Variants in PCDH15 observed in about 807,000 individuals in gnomAD.
PCDH15 encodes protocadherin related 15.
PCDH15 carries 129 observed loss-of-function variants against 178.5 expected under a neutral mutation model. That is an observed-to-expected ratio of 0.72 (90% CI 0.63 to 0.84). The LOEUF (loss-of-function observed/expected upper bound fraction) is 0.84. Ranked by LOEUF, PCDH15 falls within the 40% of genes least tolerant of loss-of-function variation. PCDH15 has a pLI of 0.00. For synonymous variants in PCDH15, 800 were observed against 732.0 expected (o/e 1.09, Z -1.50); for missense variants, 2,230 against 2,099.9 (o/e 1.06, Z -1.21).
At chr10:53,993,340 GCAGA>G in intron 21 of PCDH15, among the ~76,000 whole-genome samples, 1 of 152,160 alleles carries the variant, frequency 6.6e-6, no homozygotes, top group East Asian at 1.9e-4. Context: ...ATGTTTCCTG[GCAGA>G]CTAGTAAGTA....
At chr10:54,283,545 G>A (rs2058837828) in intron 8 of PCDH15, among the ~76,000 whole-genome samples, 1 of 151,978 alleles carries the variant, frequency 6.6e-6, no homozygotes, top group African/African-American at 2.4e-5. Flanking sequence ...TAGCTAGATA[G>A]ATATAGATGT....
intron 2 of PCDH15, among the ~76,000 whole-genome samples, chr10:54,575,838 T>G (rs1306030249): frequency 6.6e-6 from 1 of 152,188 alleles, no homozygotes; most frequent in East Asian, 1.9e-4. Flanking sequence ...AACAGAAGGC[T>G]AGCCCTGAAG....
chr10:54,785,520 T>C (rs1950777568), intron 1 of PCDH15, among the ~76,000 whole-genome samples: 1 of 151,998 alleles, frequency 6.6e-6, no homozygotes, highest in African/African-American at 2.4e-5. Context: ...CTGGATCCCC[T>C]TTTGATCTGG....
At position 54,141,033 on chromosome 10, in the gene PCDH15, CAAAT is replaced by C. The variant is rs2043358992; in HGVS notation, c.1785-8030_1785-8027del. On this transcript the variant is annotated intron_variant, in intron 14 of 37. Coordinates refer to ENST00000644397, the MANE Select transcript of PCDH15 (RefSeq NM_001384140.1). ...TTGCTATTTGTTCTACTTAAATATA[CAAAT>C]ATATACACATACACATATTTATATG... Among the ~76,000 whole-genome samples, 3 of 151,694 alleles carry C rather than the reference CAAAT, an allele frequency of 2.0e-5. No individual in the cohort carries two copies. The South Asian group carries it at 6.2e-4, about 31-fold the overall frequency.
intron 23 of PCDH15, among the ~76,000 whole-genome samples, chr10:53,952,093 C>T (rs759445471): frequency 3.9e-5 from 6 of 152,178 alleles, no homozygotes; most frequent in Non-Finnish European, 5.9e-5. Flanking sequence ...AGCCCTGGCT[C>T]AGGGAGCTCC....
At chr10:54,542,855 A>G (rs2133009765) in intron 2 of PCDH15, among the ~76,000 whole-genome samples, 1 of 152,290 alleles carries the variant, frequency 6.6e-6, no homozygotes, top group East Asian at 1.9e-4. Context: ...GCATTTTCCA[A>G]GACCACCCTG....
At chr10:54,873,494 T>A (rs573043237) in intron 3 of PCDH15, among the ~76,000 whole-genome samples, 1 of 148,480 alleles carries the variant, frequency 6.7e-6, no homozygotes, top group Non-Finnish European at 1.5e-5. Context: ...ATAATATATA[T>A]ACGTGTATGT....
chr10:55,159,348 TCTATCTATCTATCTATCTATC>T (rs1184493878), intron 2 of PCDH15, among the ~76,000 whole-genome samples: 2 of 6,490 alleles, frequency 3.1e-4, no homozygotes, highest in Non-Finnish European at 8.3e-4. Flanking sequence ...ACCATATCTA[TCTATCTATCTATCTATCTATC>T]TATATATATA....
At chr10:54,856,078 C>T (rs1284764589) in intron 3 of PCDH15, among the ~76,000 whole-genome samples, 1 of 152,146 alleles carries the variant, frequency 6.6e-6, no homozygotes, top group Non-Finnish European at 1.5e-5. Flanking sequence ...ATGATTAATA[C>T]ATATGATTGT....
chr10:53,948,746 T>C (rs1390666198), intron 23 of PCDH15, among the ~76,000 whole-genome samples: 2 of 152,206 alleles, frequency 1.3e-5, no homozygotes, highest in Non-Finnish European at 2.9e-5. Context: ...TTTAACACCA[T>C]TCAATGTCTT....
At chr10:55,242,725 C>G (rs1450029359) in intron 1 of PCDH15, among the ~76,000 whole-genome samples, 1 of 152,052 alleles carries the variant, frequency 6.6e-6, no homozygotes, top group Non-Finnish European at 1.5e-5. Flanking sequence ...GTGATGCATG[C>G]CTGTAGTCCC....
intron 2 of PCDH15, among the ~76,000 whole-genome samples, chr10:55,584,417 G>A (rs11816386): frequency 2.6e-5 from 4 of 151,466 alleles, no homozygotes; most frequent in Non-Finnish European, 4.4e-5. Context: ...CCAGCACGTT[G>A]AGAGACCGAC....
At position 54,763,700 on chromosome 10, in the gene PCDH15, G is replaced by A. The variant is rs192427388; in HGVS notation, c.-29+37225C>T. Reference sequence around the variant, plus strand: ...ATTGATTTTTACGTGTGGTATGCATGTATCAAAATATCACATTTACTTTTT... The same window carrying A: ...ATTGATTTTTACGTGTGGTATGCATATATCAAAATATCACATTTACTTTTT... On this transcript the variant is annotated intron_variant, in intron 1 of 37. Transcript: ENST00000644397. Among the ~76,000 whole-genome samples, 7 of 149,924 alleles carry A rather than the reference G, an allele frequency of 4.7e-5. No individual in the cohort carries two copies. In the East Asian group the frequency reaches 1.4e-3, roughly 29 times the overall value.
intron 2 of PCDH15, among the ~76,000 whole-genome samples, chr10:55,349,922 CT>C (rs564174668): frequency 6.6e-6 from 1 of 151,340 alleles, no homozygotes; most frequent in African/African-American, 2.4e-5. Context: ...TTGTTATCAG[CT>C]TTTTTTTACT....
chr10:53,982,916 C>G (rs2090786434), intron 21 of PCDH15, among the ~76,000 whole-genome samples: 1 of 152,056 alleles, frequency 6.6e-6, no homozygotes, highest in Admixed American at 6.6e-5. Context: ...TTTTCTTAAA[C>G]ACATAATTAT....
chr10:55,082,283 C>T (rs1281730101), intron 2 of PCDH15, among the ~76,000 whole-genome samples: 1 of 151,810 alleles, frequency 6.6e-6, no homozygotes, highest in Non-Finnish European at 1.5e-5. Flanking sequence ...GAAACTACAA[C>T]ACATGGAAAT....
intron 25 of PCDH15, among the ~76,000 whole-genome samples, chr10:53,903,855 T>G (rs2082491766): frequency 6.6e-6 from 1 of 152,168 alleles, no homozygotes; most frequent in African/African-American, 2.4e-5. Context: ...GTTTTAAGAC[T>G]AAAAGTAACA....
intron 1 of PCDH15, among the ~76,000 whole-genome samples, chr10:54,768,819 T>C (rs1422646074): frequency 6.6e-6 from 1 of 152,126 alleles, no homozygotes; most frequent in Non-Finnish European, 1.5e-5. Context: ...ACCCATGTCA[T>C]GCCACTTGTA....
intron 2 of PCDH15, among the ~76,000 whole-genome samples, chr10:55,153,783 G>A (rs113789255): frequency 0.024 from 3,701 of 152,272 alleles, 76 homozygotes; most frequent in Non-Finnish European, 0.037. Flanking sequence ...GAACATGAAT[G>A]TCTAGGTTTG....
Sources: allele counts gnomAD v4.1 joint callset (sites outside exome capture counted in the v4.1 genomes callset), GRCh38; gene constraint gnomAD v4.1.1; transcripts MANE v1.5; gene names NCBI Gene and HGNC (gene_info 2026-07-23, HGNC 2026-07-21).